The following ABCC8 variants were observed in gnomAD, a reference collection of about 807,000 sequenced individuals.
ABCC8 encodes ATP-binding cassette sub-family C member 8.
Under a neutral mutation model 188.0 loss-of-function variants are expected in ABCC8, and 137 were observed. The ratio of observed to expected loss-of-function variants is 0.73; its 90% confidence interval spans 0.63 to 0.84. The LOEUF (loss-of-function observed/expected upper bound fraction) is 0.84, where lower values mean the gene tolerates loss of function less well. Ranked by LOEUF, ABCC8 falls within the 40% of genes least tolerant of loss-of-function variation. ABCC8 has a pLI of 0.00. For synonymous variants in ABCC8, 797 were observed against 846.5 expected (o/e 0.94, Z 1.01); for missense variants, 1,750 against 2,072.7 (o/e 0.84, Z 3.02).
At chr11:17,462,421 G>C (rs567270574) in intron 4 of ABCC8, among the ~76,000 whole-genome samples, 1 of 152,206 alleles carries the variant, frequency 6.6e-6, no homozygotes, top group Non-Finnish European at 1.5e-5. Flanking sequence ...CTCACTGCTG[G>C]TTGGAAGGCA....
intron 10 of ABCC8, among the ~76,000 whole-genome samples, chr11:17,440,043 T>G (rs1009974052): frequency 6.6e-6 from 1 of 152,084 alleles, no homozygotes; most frequent in Non-Finnish European, 1.5e-5. Context: ...AGGAGATGAG[T>G]ACATATCTCT....
chr11:17,476,779 C>CGGCGCG lies in ABCC8; in HGVS notation c.-9_-4dup, dbSNP rs764960164. ...CTGCCGCAGAAGGCCAGGGGCATGG[C>CGGCGCG]GGCGCGGGCGCGGGCTGGGCTCGGG... On this transcript the variant is annotated 5_prime_UTR_variant, in exon 1 of 39. Coordinates refer to ENST00000389817, the MANE Select transcript of ABCC8 (RefSeq NM_000352.6). 3.2e-6 allele frequency: 5 copies of CGGCGCG among 1,552,230 alleles called. No individual in the cohort carries two copies. The highest frequency in any genetic ancestry group is 4.9e-5 in the East Asian group (2 of 40,466).
chr11:17,435,666 T>TG, intron 10 of ABCC8: 1 of 1,407,274 alleles, frequency 7.1e-7, no homozygotes, highest in Non-Finnish European at 1.0e-6. Context: ...TGGGAACCTC[T>TG]GTTCTTCACA....
chr11:17,428,677 G>C lies in ABCC8; in HGVS notation c.1818-7C>G. On this transcript the variant is annotated splice_region_variant and splice_polypyrimidine_tract_variant and intron_variant, in intron 12 of 38. Coordinates refer to ENST00000389817, the MANE Select transcript of ABCC8 (RefSeq NM_000352.6). ...CTCGCTTAGCTTTTGCACGCTGCTC[G>C]GGAAGCACAGAGACACCCCTCACCC... The C allele has an allele frequency of 6.2e-7, 1 of 1,611,702 alleles. No individual in the cohort carries two copies. Among genetic ancestry groups the C allele is most frequent in the Non-Finnish European group, 8.5e-7 (1 of 1,180,012 alleles).
Position 17,397,250 on chromosome 11 carries a change from C to T in ABCC8, c.3931G>A (p.Val1311Met). 6.2e-7 allele frequency: 1 copy of T among 1,613,682 alleles called. No homozygotes were observed. The highest frequency in any genetic ancestry group is 8.5e-7 in the Non-Finnish European group (1 of 1,180,026). The change falls in exon 32 of 39, where the codon GTG becomes ATG. Residue 1311 changes from valine to methionine, a missense_variant. Val to Met is a conservative substitution (Grantham distance 21). Transcript: ENST00000389817. Reference protein sequence around the residue: ...LADMELQLGAVKRIHGLLKTE... With the variant: ...LADMELQLGAMKRIHGLLKTE... ...TTCAGGAGCCCATGGATGCGCTTCA[C>T]AGCCCCCAGCTGGAGCTCCATGTCT...
intron 27 of ABCC8, 106 bp downstream of exon 27, chr11:17,405,388 A>T: frequency 2.6e-6 from 4 of 1,539,494 alleles, no homozygotes; most frequent in Non-Finnish European, 2.7e-6. Context: ...TTCTTCCCAG[A>T]GGGCTGTGAT....
At chr11:17,428,728 A>G in intron 12 of ABCC8, 58 bp from the exon 13 acceptor site, 1 of 1,601,686 alleles carries the variant, frequency 6.2e-7, no homozygotes, top group South Asian at 1.1e-5. Flanking sequence ...GGGAGGGGAG[A>G]GGGCGCAGCC....
At chr11:17,413,059 C>T (rs1954892565) in intron 20 of ABCC8, 5 of 611,906 alleles carry the variant, frequency 8.2e-6, no homozygotes, top group Non-Finnish European at 1.4e-5. Context: ...TCCTGTTCGT[C>T]TAAGCTTGTG....
chr11:17,427,889 G>A lies in ABCC8; in HGVS notation c.2094C>T (p.Asn698=), dbSNP rs757172850. 41 of 1,614,122 alleles carry A rather than the reference G, an allele frequency of 2.5e-5. No individual in the cohort carries two copies. In the East Asian group the frequency reaches 9.1e-4, roughly 36 times the overall value. Residue 698 remains asparagine (N), a synonymous_variant, in exon 15 of 39, where the codon AAC becomes AAT. Coordinates refer to ENST00000389817, the MANE Select transcript of ABCC8 (RefSeq NM_000352.6). This position sits in a 1 kb window ranked among gnomAD's most constrained non-coding sequence, Gnocchi z 5.0. The part of the protein sequence containing the change: ...WTPDGIPTLS[N]ITIRIPRGQL... ...TACCTCGGGGGATACGAATGGTGAT[G>A]TTGGACAGTGTGGGGATTCCATCTG... is the stretch of plus-strand genomic sequence containing the variant.
intron 29 of ABCC8, among the ~76,000 whole-genome samples, chr11:17,399,693 T>C (rs918955959): frequency 6.6e-6 from 1 of 152,204 alleles, no homozygotes; most frequent in Non-Finnish European, 1.5e-5. Flanking sequence ...TCTCCCTCAA[T>C]AGACTGCAAA....
chr11:17,436,122 A>AG, intron 10 of ABCC8: 1 of 796,386 alleles, frequency 1.3e-6, no homozygotes, highest in South Asian at 1.3e-5. Context: ...TACAGAGCTG[A>AG]GGGCTAAAGT....
intron 34 of ABCC8, 55 bp downstream of exon 34, chr11:17,395,797 T>A: frequency 3.9e-6 from 6 of 1,554,728 alleles, no homozygotes; most frequent in Non-Finnish European, 5.2e-6. Flanking sequence ...GTGCCAGGGC[T>A]GAGGCCTCAT....
rs1591887843 is a variant in ABCC8 at position 17,461,323 on chromosome 11, C to G, written c.822+260G>C. 5.5e-6 allele frequency: 3 copies of G among 541,096 alleles called. No individual in the cohort carries two copies. In the East Asian group the frequency reaches 1.0e-4, roughly 18 times the overall value. 33.5% of individuals were successfully genotyped at this position (541,096 alleles called of 1,614,324 possible). The stretch of plus-strand genomic sequence containing the variant: ...GGGGTCACTTCCCTTCTCAGAGCCT[C>G]AGTTTCCCCATCTGGATAAGGACTT... On this transcript the variant is annotated intron_variant, in intron 5 of 38. Transcript: ENST00000389817.
Position 17,404,419 on chromosome 11 carries a change from A to G in ABCC8, c.3557+93T>C. The G allele has an allele frequency of 7.6e-7, 1 of 1,313,960 alleles. No homozygotes were observed. Among genetic ancestry groups the G allele is most frequent in the Non-Finnish European group, 1.1e-6 (1 of 907,342 alleles). The allele number at this position is 1,313,960 out of a possible 1,614,324, so 81.4% of individuals were successfully genotyped here. The stretch of plus-strand genomic sequence containing the variant: ...TTTGTTTTTATTTTTTGGAGGGAAC[A>G]CGACCCTATTACTCTCATAACGATG... On this transcript the variant is annotated intron_variant, in intron 28 of 38. Coordinates refer to ENST00000389817, the MANE Select transcript of ABCC8 (RefSeq NM_000352.6). This position sits in a 1 kb window ranked among gnomAD's most constrained non-coding sequence, Gnocchi z 4.7.
chr11:17,429,641 G>A (rs543861424), intron 12 of ABCC8: 2 of 152,160 alleles, frequency 1.3e-5, no homozygotes, highest in Non-Finnish European at 2.9e-5. Context: ...AAATATGAAC[G>A]CTTTGGGATC....
intron 10 of ABCC8, among the ~76,000 whole-genome samples, chr11:17,436,611 A>G (rs1956107340): frequency 6.6e-6 from 1 of 152,256 alleles, no homozygotes; most frequent in East Asian, 1.9e-4. Flanking sequence ...AGGAAGAACT[A>G]TGTTAAATAA....
At chr11:17,459,330 T>C (rs997869287) in intron 6 of ABCC8, among the ~76,000 whole-genome samples, 14 of 152,204 alleles carry the variant, frequency 9.2e-5, no homozygotes, top group Admixed American at 9.2e-4. Context: ...TTGTTAATCA[T>C]CCTCATCATA....
chr11:17,468,730 A>G (rs1435872993), intron 3 of ABCC8, among the ~76,000 whole-genome samples: 2 of 152,208 alleles, frequency 1.3e-5, no homozygotes, highest in Non-Finnish European at 2.9e-5. Context: ...TATTATTTTT[A>G]ACCTCTCAGT....
chr11:17,436,199 A>T (rs2133570627), intron 10 of ABCC8: 2 of 691,384 alleles, frequency 2.9e-6, no homozygotes, highest in South Asian at 3.0e-5. Context: ...TCTGGTCTGG[A>T]TGGAAGTGAC....
Sources: allele counts gnomAD v4.1 joint callset (sites outside exome capture counted in the v4.1 genomes callset), GRCh38; gene constraint gnomAD v4.1.1; non-coding constraint Gnocchi (gnomAD v3.1); transcripts MANE v1.5; gene names NCBI Gene and HGNC (gene_info 2026-07-23, HGNC 2026-07-21).